The following DLC1 variants were observed in gnomAD, a reference collection of about 807,000 sequenced individuals.
The protein encoded by DLC1 is DLC1 Rho GTPase activating protein, also known as rho GTPase-activating protein 7.
In DLC1, 54 loss-of-function variants were observed where a neutral mutation model predicts 140.3. The observed-to-expected ratio is 0.38, with a 90% confidence interval of 0.31 to 0.48. DLC1 has a LOEUF of 0.48. Ranked by LOEUF, DLC1 falls within the 20% of genes least tolerant of loss-of-function variation. The pLI is 0.96. For synonymous variants in DLC1, 986 were observed against 728.1 expected, an observed-to-expected ratio of 1.35 and a Z score of -5.70; for missense variants, 2,536 against 1,907.0, an observed-to-expected ratio of 1.33 and a Z score of -6.14.
chr8:13,586,862 A>G (rs1267226093), intron 1 of DLC1, among the ~76,000 whole-genome samples: 3 of 152,126 alleles, frequency 2.0e-5, no homozygotes, highest in Non-Finnish European at 2.9e-5. Context: ...CTCTAAGGAC[A>G]TGCTCTTTAC....
intron 1 of DLC1, among the ~76,000 whole-genome samples, chr8:13,502,651 TAGAG>T (rs1283944933): frequency 3.3e-5 from 5 of 152,224 alleles, no homozygotes; most frequent in African/African-American, 1.2e-4. Flanking sequence ...TATCCCCTAA[TAGAG>T]AGAAATCTTT....
intron 1 of DLC1, among the ~76,000 whole-genome samples, chr8:13,588,016 A>T (rs1219113918): frequency 6.6e-6 from 1 of 152,100 alleles, no homozygotes; most frequent in African/African-American, 2.4e-5. Context: ...GACCTTTATT[A>T]TATAGGTCCT....
At chr8:13,159,126 C>T (rs575106355) in intron 5 of DLC1, among the ~76,000 whole-genome samples, 3 of 152,240 alleles carry the variant, frequency 2.0e-5, no homozygotes, top group African/African-American at 4.8e-5. Context: ...TATCTACCCA[C>T]GTGGGACTGA....
intron 5 of DLC1, among the ~76,000 whole-genome samples, chr8:13,261,019 C>A (rs1313473438): frequency 6.6e-6 from 1 of 152,156 alleles, no homozygotes; most frequent in East Asian, 1.9e-4. Context: ...TTAAGTCATT[C>A]AACAAAGACT....
intron 5 of DLC1, among the ~76,000 whole-genome samples, chr8:13,182,559 A>G (rs1224340389): frequency 6.6e-6 from 1 of 152,126 alleles, no homozygotes; most frequent in Non-Finnish European, 1.5e-5. Context: ...TTTTCCCAGC[A>G]CCATTTATTA....
chr8:13,542,470 T>C (rs905499743), intron 1 of DLC1, among the ~76,000 whole-genome samples: 1 of 152,166 alleles, frequency 6.6e-6, no homozygotes, highest in Non-Finnish European at 1.5e-5. Flanking sequence ...AAGTCTGATT[T>C]TTTTTTTCCA....
chr8:13,569,400 G>A (rs1804568305), intron 1 of DLC1, among the ~76,000 whole-genome samples: 1 of 151,976 alleles, frequency 6.6e-6, no homozygotes. Context: ...TTTCCCCTTA[G>A]TAAGTCATTC....
At chr8:13,330,829 C>G (rs928345835) in intron 4 of DLC1, among the ~76,000 whole-genome samples, 3 of 152,192 alleles carry the variant, frequency 2.0e-5, no homozygotes, top group Non-Finnish European at 4.4e-5. Context: ...CTGAACATGA[C>G]TCAAAATACC....
chr8:13,464,509 T>A (rs1397283737), intron 2 of DLC1, among the ~76,000 whole-genome samples: 1 of 151,320 alleles, frequency 6.6e-6, no homozygotes. Context: ...TTTTAATACA[T>A]CAGTTGATAC....
intron 5 of DLC1, among the ~76,000 whole-genome samples, chr8:13,159,565 T>C (rs1169439985): frequency 6.6e-6 from 1 of 152,048 alleles, no homozygotes; most frequent in Non-Finnish European, 1.5e-5. Flanking sequence ...AACCTCTAGG[T>C]GTATCACCTC....
intron 5 of DLC1, among the ~76,000 whole-genome samples, chr8:13,186,803 C>T (rs541504425): frequency 1.9e-4 from 29 of 152,188 alleles, no homozygotes; most frequent in Non-Finnish European, 1.8e-4. Context: ...TACCTTTGGA[C>T]TTTGATGTTG....
At position 13,433,925 on chromosome 8, in the gene DLC1, G is replaced by A. The variant is rs770408594; in HGVS notation, c.1024-32306C>T. On this transcript the variant is annotated intron_variant, in intron 2 of 17. Transcript: ENST00000276297. ...GGCTGGAGTGCAATGGCACGATCTC[G>A]GCTCACTGCAATCTCCGCCTCCTGG... 4.2e-4 allele frequency among the ~76,000 whole-genome samples: 64 copies of A among 152,226 alleles called. 1 individual carries two copies. In the Middle Eastern group the frequency reaches 0.014, roughly 32 times the overall value.
At chr8:13,462,797 C>T (rs289530) in intron 2 of DLC1, among the ~76,000 whole-genome samples, 65,114 of 151,962 alleles carry the variant, frequency 0.43, 14,148 homozygotes, top group African/African-American at 0.47. Flanking sequence ...AGAAGACATT[C>T]ACCAGATTGG....
chr8:13,474,762 C>A (rs542436949), intron 2 of DLC1, among the ~76,000 whole-genome samples: 4 of 152,184 alleles, frequency 2.6e-5, no homozygotes, highest in African/African-American at 9.7e-5. Context: ...CATTGGATTT[C>A]GGACTTGCAA....
chr8:13,428,181 A>G (rs1413943000), intron 2 of DLC1, among the ~76,000 whole-genome samples: 1 of 152,112 alleles, frequency 6.6e-6, no homozygotes, highest in African/African-American at 2.4e-5. Flanking sequence ...GAACAGAGGA[A>G]TGGGAGGTGC....
chr8:13,114,775 T>C lies in DLC1; in HGVS notation c.1420+811A>G, dbSNP rs745507977. 2.8e-4 allele frequency among the ~76,000 whole-genome samples: 42 copies of C among 152,152 alleles called. 1 individual carries two copies. Among genetic ancestry groups the C allele is most frequent in the Non-Finnish European group, 7.3e-5 (5 of 68,036 alleles). On this transcript the variant is annotated intron_variant, in intron 6 of 17. Coordinates refer to ENST00000276297, the MANE Select transcript of DLC1 (RefSeq NM_182643.3). Reference sequence around the variant, plus strand: ...ATAAATGCTCATTACCATGAAGGATTAGGGAAATGGCAGTCAAAATCTCTA... The same window carrying C: ...ATAAATGCTCATTACCATGAAGGATCAGGGAAATGGCAGTCAAAATCTCTA...
chr8:13,533,875 C>T (rs77961912), intron 1 of DLC1, among the ~76,000 whole-genome samples: 2,967 of 152,242 alleles, frequency 0.019, 108 homozygotes, highest in African/African-American at 0.068. Context: ...TTCCCACTGC[C>T]TTGTGAGGAA....
chr8:13,603,793 C>T (rs958448003), intron 1 of DLC1, among the ~76,000 whole-genome samples: 2 of 152,056 alleles, frequency 1.3e-5, no homozygotes, highest in Non-Finnish European at 2.9e-5. Flanking sequence ...TCTGTTCATT[C>T]AATTAACTCC....
At chr8:13,496,940 A>G (rs1801542063) in intron 2 of DLC1, among the ~76,000 whole-genome samples, 1 of 151,606 alleles carries the variant, frequency 6.6e-6, no homozygotes, top group Non-Finnish European at 1.5e-5. Flanking sequence ...AGCTGGGACT[A>G]TAGGCGCCTG....
Sources: gnomAD v4.1 joint callset for allele counts (sites outside exome capture counted in the v4.1 genomes callset) on GRCh38, gnomAD v4.1.1 for gene constraint, MANE v1.5 for transcripts, NCBI Gene and HGNC (gene_info 2026-07-23, HGNC 2026-07-21) for gene names.